Variants in CACNA1C observed in about 807,000 individuals in gnomAD.
CACNA1C encodes voltage-dependent L-type calcium channel subunit alpha-1C.
In CACNA1C, 30 loss-of-function variants were observed where a neutral mutation model predicts 229.0. The ratio of observed to expected loss-of-function variants is 0.13; its 90% CI spans 0.10 to 0.18. The LOEUF (loss-of-function observed/expected upper bound fraction) is 0.18. Ranked by LOEUF, CACNA1C falls within the 10% of genes least tolerant of loss-of-function variation. CACNA1C has a pLI of 1.00. For synonymous variants in CACNA1C, 1,114 were observed against 1,132.5 expected, an observed-to-expected ratio of 0.98 and a Z score of 0.33; for missense variants, 1,658 against 2,845.0, an observed-to-expected ratio of 0.58 and a Z score of 9.49.
intron 3 of CACNA1C, among the ~76,000 whole-genome samples, chr12:2,278,031 G>A (rs1055359593): frequency 6.6e-6 from 1 of 152,228 alleles, no homozygotes; most frequent in Non-Finnish European, 1.5e-5. Context: ...CCTCAAGCCT[G>A]CAGTGAGGGC....
At chr12:2,302,413 G>C (rs957543896) in intron 3 of CACNA1C, among the ~76,000 whole-genome samples, 33 of 151,998 alleles carry the variant, frequency 2.2e-4, no homozygotes, top group African/African-American at 8.0e-4. Context: ...TTCCAAAGGA[G>C]GCAGGAGGCA....
chr12:2,482,772 A>G (rs1425190184), intron 5 of CACNA1C, among the ~76,000 whole-genome samples: 1 of 152,108 alleles, frequency 6.6e-6, no homozygotes, highest in Admixed American at 6.5e-5. Context: ...ATAAGTGTTT[A>G]TCTGTGCTGA....
rs550983971 is a variant in CACNA1C, at chr12:2,573,801, T to C, written c.1895+6007T>C. ...ACAAATTAATATTGTCCTTGTAACATAATAGCATCACTCTGTCACTTGCAT... is the reference window on the plus strand; with the variant it reads ...ACAAATTAATATTGTCCTTGTAACACAATAGCATCACTCTGTCACTTGCAT... On this transcript the variant is annotated intron_variant, in intron 13 of 46. Transcript: ENST00000399655. 1.1e-4 allele frequency among the ~76,000 whole-genome samples: 17 copies of C among 152,356 alleles called. No homozygotes were observed. In the East Asian group the frequency reaches 1.2e-3, roughly 10 times the overall value.
chr12:2,653,922 G>T lies in CACNA1C; in HGVS notation c.4140+22G>T, dbSNP rs1000159253. 4 of 1,605,704 alleles carry T rather than the reference G, an allele frequency of 2.5e-6. No homozygotes were observed. The highest frequency in any genetic ancestry group is 3.4e-6 in the Non-Finnish European group (4 of 1,172,906). On this transcript the variant is annotated intron_variant, in intron 33 of 46. Transcript: ENST00000399655. This position sits in a 1 kb window ranked among gnomAD's most constrained non-coding sequence, Gnocchi z 4.7. ...GCAGGTAGGGAGGCTCCCACCACGG[G>T]GCTCCTGGCCTCCCGCTCTGTCTCT...
chr12:2,394,065 A>G (rs1291560366), intron 3 of CACNA1C, among the ~76,000 whole-genome samples: 1 of 151,284 alleles, frequency 6.6e-6, no homozygotes, highest in African/African-American at 2.4e-5. Context: ...TGATTGTGCC[A>G]CTGCACTGCA....
At chr12:2,379,850 T>G (rs974628477) in intron 3 of CACNA1C, among the ~76,000 whole-genome samples, 44 of 150,284 alleles carry the variant, frequency 2.9e-4, no homozygotes, top group Admixed American at 2.6e-4. Flanking sequence ...GCTAAAACGG[T>G]GAAACCCCGT....
In CACNA1C at chr12:2,605,497, C is replaced by A. The variant is rs1382526680; in HGVS notation, c.3049-182C>A. ...TTTGTCCTTGTAGTCACGGAGAGTC[C>A]AGTGGGGGCCTTTGCATCCCATTAG... On this transcript the variant is annotated intron_variant, in intron 23 of 46. Transcript: ENST00000399655. The surrounding 1 kb of genome is among the most constrained non-coding windows in gnomAD (Gnocchi z 6.2). Among the ~76,000 whole-genome samples the A allele has an allele frequency of 6.6e-6, 1 of 152,104 alleles. No individual in the cohort carries two copies. The highest frequency in any genetic ancestry group is 1.5e-5 in the Non-Finnish European group (1 of 68,006).
At chr12:2,506,091 C>T (rs930415594) in intron 8 of CACNA1C, among the ~76,000 whole-genome samples, 1 of 152,168 alleles carries the variant, frequency 6.6e-6, no homozygotes, top group African/African-American at 2.4e-5. Flanking sequence ...AATCTCCTCC[C>T]AGCTCTTCCA....
At chr12:2,190,601 C>A (rs569529013) in intron 3 of CACNA1C, among the ~76,000 whole-genome samples, 273 of 152,256 alleles carry the variant, frequency 1.8e-3, no homozygotes, top group African/African-American at 6.4e-3. Context: ...TTCCTTTCCT[C>A]AAGGAGGTCA....
intron 1 of CACNA1C, among the ~76,000 whole-genome samples, chr12:2,088,956 A>G (rs947710710): frequency 6.6e-6 from 1 of 152,144 alleles, no homozygotes; most frequent in Non-Finnish European, 1.5e-5. Context: ...ACGTTGTTAA[A>G]TGCGGAGGGA....
chr12:2,657,085 A>T (rs1028959085), intron 34 of CACNA1C, among the ~76,000 whole-genome samples: 1 of 152,206 alleles, frequency 6.6e-6, no homozygotes, highest in African/African-American at 2.4e-5. Flanking sequence ...TTACTCCCCA[A>T]CATAAGTCTT....
intron 3 of CACNA1C, among the ~76,000 whole-genome samples, chr12:2,411,904 A>G (rs2098811388): frequency 6.6e-6 from 1 of 152,202 alleles, no homozygotes; most frequent in Admixed American, 6.5e-5. Flanking sequence ...CACAGGGGCC[A>G]TGAAAGGGGA....
In CACNA1C at chr12:2,427,618, A is replaced by C. The variant is rs577559082; in HGVS notation, c.478-21358A>C. ...TGTCAGGCATATTTTATTTTACTTT[A>C]TTTTTATTTTTTTATTTTTTGAGAT... is the stretch of plus-strand genomic sequence containing the variant. On this transcript the variant is annotated intron_variant, in intron 3 of 46. Transcript: ENST00000399655. Among the ~76,000 whole-genome samples, 128 of 151,932 alleles carry C rather than the reference A, an allele frequency of 8.4e-4. 2 individuals carry two copies. The highest frequency in any genetic ancestry group is 3.4e-3 in the Middle Eastern group (1 of 294).
At chr12:2,516,973 A>G (rs2099798202) in intron 9 of CACNA1C, among the ~76,000 whole-genome samples, 1 of 152,180 alleles carries the variant, frequency 6.6e-6, no homozygotes. Flanking sequence ...AGCCCTACTG[A>G]TGTTTGGAGA....
rs769766334 is a variant in CACNA1C, at chr12:2,685,820, T to C, written c.5658T>C (p.Gly1886=). ...ACATCCGGCAATCTCCGAAGAGGGG[T>C]TTCCTCCGCTCTGCCTCACTAGGTA... ...KRDIRQSPKR[G]FLRSASLGRR... is the part of the protein sequence containing the mutation. The change falls in exon 44 of 47, where the codon GGT becomes GGC. Residue 1886 remains glycine, a synonymous_variant. Transcript: ENST00000399655. The C allele has an allele frequency of 9.9e-6, 16 of 1,612,564 alleles. No individual in the cohort carries two copies. Among genetic ancestry groups the C allele is most frequent in the Admixed American group, 8.3e-5 (5 of 59,978 alleles).
At chr12:2,125,503 A>C (rs2089638834) in intron 3 of CACNA1C, among the ~76,000 whole-genome samples, 1 of 152,136 alleles carries the variant, frequency 6.6e-6, no homozygotes, top group African/African-American at 2.4e-5. Flanking sequence ...TTTTTTTAAA[A>C]AATTAAAGAA....
intron 4 of CACNA1C, among the ~76,000 whole-genome samples, chr12:2,455,514 C>A (rs2099412148): frequency 6.6e-6 from 1 of 152,148 alleles, no homozygotes; most frequent in Non-Finnish European, 1.5e-5. Flanking sequence ...CCTGTTTTTA[C>A]TTTTTAATGT....
chr12:2,558,274 A>G (rs564455686), intron 11 of CACNA1C, among the ~76,000 whole-genome samples: 1 of 152,320 alleles, frequency 6.6e-6, no homozygotes, highest in South Asian at 2.1e-4. Flanking sequence ...TCTCTGCTGC[A>G]TGGGGCTAGG....
Position 2,651,874 on chromosome 12 carries a change from T to G in CACNA1C, c.4074+106T>G. 1 of 883,186 alleles carries G rather than the reference T, an allele frequency of 1.1e-6. No homozygotes were observed. Among genetic ancestry groups the G allele is most frequent in the Non-Finnish European group, 1.7e-6 (1 of 593,290 alleles). The allele number at this position is 883,186 out of a possible 1,614,324, so 54.7% of individuals were successfully genotyped here. On this transcript the variant is annotated intron_variant, in intron 32 of 46. Transcript: ENST00000399655. This position sits in a 1 kb window ranked among gnomAD's most constrained non-coding sequence, Gnocchi z 5.4. ...CCCTCCACTCTGGGGCCCTGCTCCTTCCTCTGTGTGGCAGAACTCGGCCGC... is the reference window on the plus strand; with the variant it reads ...CCCTCCACTCTGGGGCCCTGCTCCTGCCTCTGTGTGGCAGAACTCGGCCGC...
Sources: allele counts gnomAD v4.1 joint callset (sites outside exome capture counted in the v4.1 genomes callset), GRCh38; gene constraint gnomAD v4.1.1; non-coding constraint Gnocchi (gnomAD v3.1); transcripts MANE v1.5; gene names NCBI Gene and HGNC (gene_info 2026-07-23, HGNC 2026-07-21).